LRRC45: variants seen among roughly 807,000 people sequenced by gnomAD.
LRRC45 encodes the protein leucine rich repeat containing 45.
In LRRC45, 73 loss-of-function variants were observed where a neutral mutation model predicts 85.4. The observed-to-expected ratio is 0.85, with a 90% CI of 0.71 to 1.04. LRRC45 has a LOEUF of 1.04. Among genes scored for constraint, LRRC45 ranks in the 50% least tolerant of loss-of-function variants. The pLI is 0.00. For missense variants in LRRC45, 937 were observed against 883.3 expected (o/e 1.06, Z -0.77); for synonymous variants, 429 against 386.0 (o/e 1.11, Z -1.31).
rs141978210 is a variant in LRRC45 at position 82,023,902 on chromosome 17, G to T, written c.220+39G>T. ...GCGGGGTGGATCCCTCTGCTCCTTAGCTGCCCACACCATTGCCTCGGCAGC... is the reference window on the plus strand; with the variant it reads ...GCGGGGTGGATCCCTCTGCTCCTTATCTGCCCACACCATTGCCTCGGCAGC... On this transcript the variant is annotated intron_variant, in intron 1 of 16. Coordinates refer to ENST00000306688, the MANE Select transcript of LRRC45 (RefSeq NM_144999.4). The T allele has an allele frequency of 7.4e-5, 113 of 1,521,702 alleles. No homozygotes were observed. In the East Asian group the frequency reaches 2.8e-3, roughly 37 times the overall value. The allele number at this position is 1,521,702 out of a possible 1,614,324, so 94.3% of individuals were successfully genotyped here.
chr17:82,028,928 G>C lies in LRRC45; in HGVS notation c.1309-165G>C, dbSNP rs138396276. ...GAGACACCAAGGCCCACTCGTTCAG[G>C]GTGTGCATGCTGCGGTAGTTTCCTG... is the stretch of plus-strand genomic sequence containing the variant. On this transcript the variant is annotated intron_variant, in intron 12 of 16. Coordinates refer to ENST00000306688, the MANE Select transcript of LRRC45 (RefSeq NM_144999.4). 1,323 of 725,742 alleles carry C rather than the reference G, an allele frequency of 1.8e-3. 2 individuals are homozygous for C. Among genetic ancestry groups the C allele is most frequent in the Middle Eastern group, 4.4e-3 (17 of 3,878 alleles). The allele number at this position is 725,742 out of a possible 1,614,324, so 45.0% of individuals were successfully genotyped here.
intron 6 of LRRC45, 111 bp from the exon 7 acceptor site, chr17:82,027,275 A>C: frequency 7.3e-7 from 1 of 1,365,976 alleles, no homozygotes; most frequent in Non-Finnish European, 1.0e-6. Context: ...CGTGGGTGGA[A>C]CCCTCCGCTG....
In LRRC45 at chr17:82,023,968, GTAGT is replaced by G. The variant is rs2144137137; in HGVS notation, c.220+108_220+111del. 4.3e-6 allele frequency: 5 copies of G among 1,156,642 alleles called. No homozygotes were observed. In the South Asian group the frequency reaches 4.5e-5, roughly 10 times the overall value. 71.6% of individuals were successfully genotyped at this position (1,156,642 alleles called of 1,614,324 possible). On this transcript the variant is annotated intron_variant, in intron 1 of 16. Transcript: ENST00000306688. ...CTCCAGGCTCTCCAATTTCTGTGCC[GTAGT>G]TAAAGCGAGCAGGGGCGCCCCTTCC...
chr17:82,029,190 G>C lies in LRRC45; in HGVS notation c.1401+5G>C. The C allele has an allele frequency of 6.2e-7, 1 of 1,608,900 alleles. No individual in the cohort carries two copies. Among genetic ancestry groups the C allele is most frequent in the East Asian group, 2.2e-5 (1 of 44,786 alleles). ...GCGCGGCTGTCCCTGGAGGAGGTGAGTGCCCACCAGGCAGGGCCAAGCTCT... is the reference window on the plus strand; with the variant it reads ...GCGCGGCTGTCCCTGGAGGAGGTGACTGCCCACCAGGCAGGGCCAAGCTCT... On this transcript the variant is annotated splice_donor_5th_base_variant and intron_variant, in intron 13 of 16. Coordinates refer to ENST00000306688, the MANE Select transcript of LRRC45 (RefSeq NM_144999.4).
rs1298188549 is a variant in LRRC45, at chr17:82,023,796, C to T, written c.153C>T (p.Gly51=). 1.3e-6 allele frequency: 2 copies of T among 1,568,726 alleles called. No individual in the cohort carries two copies. The highest frequency in any genetic ancestry group is 3.7e-5 in the Admixed American group (2 of 53,444). The change falls in exon 1 of 17, where the codon GGC becomes GGT. Residue 51 remains glycine (G), a synonymous_variant. Coordinates refer to ENST00000306688, the MANE Select transcript of LRRC45 (RefSeq NM_144999.4). ...SLTVETCRAL[G]KLLPRETLCT... is the part of the protein sequence containing the mutation. ...CGGTGGAGACCTGCAGGGCCCTGGG[C>T]AAGCTGCTGCCGAGGGAGACGCTGT... is the stretch of plus-strand genomic sequence containing the variant.
At position 82,030,996 on chromosome 17, in the gene LRRC45, C is replaced by T. The variant is rs2043416763; in HGVS notation, c.*191C>T. 4.9e-6 allele frequency: 2 copies of T among 410,728 alleles called. No individual in the cohort carries two copies. The highest frequency in any genetic ancestry group is 4.2e-6 in the Non-Finnish European group (1 of 238,122). 25.4% of individuals were successfully genotyped at this position (410,728 alleles called of 1,614,324 possible). On this transcript the variant is annotated 3_prime_UTR_variant, in exon 17 of 17. Coordinates refer to ENST00000306688, the MANE Select transcript of LRRC45 (RefSeq NM_144999.4). ...GGAGGCGCCTGGGAAGGGCTCCCTA[C>T]CGGCCCCTTCTTCCCGGTCGACGCC... is the stretch of plus-strand genomic sequence containing the variant.
rs765209623 is a variant in LRRC45, at chr17:82,024,705, C to T, written c.295C>T (p.Arg99Trp). The T allele has an allele frequency of 1.1e-5, 17 of 1,572,752 alleles. No homozygotes were observed. Among genetic ancestry groups the T allele is most frequent in the Middle Eastern group, 1.7e-4 (1 of 5,928 alleles). ...GTTTCTCTCCTAGGGCAACAACCTT[C>T]GGGCTGCAGGGGCCGAGGCTCTGGG... is the stretch of plus-strand genomic sequence containing the variant. ...RFLDLKGNNL[R>W]AAGAEALGKL... is the part of the protein sequence containing the mutation. The change falls in exon 3 of 17, where the codon CGG (arginine) becomes TGG (tryptophan). Residue 99 changes from arginine to tryptophan, a missense_variant. By Grantham distance (101) the Arg-to-Trp change is moderately radical. Coordinates refer to ENST00000306688, the MANE Select transcript of LRRC45 (RefSeq NM_144999.4).
In LRRC45 at chr17:82,030,130, G is replaced by C; in HGVS notation, c.1560G>C (p.Gln520His). Residue 520 changes from glutamine to histidine, a missense_variant, in exon 15 of 17, where the codon CAG becomes CAC. Physicochemically the swap from Gln to His is conservative, Grantham distance 24. Coordinates refer to ENST00000306688, the MANE Select transcript of LRRC45 (RefSeq NM_144999.4). ...TGGCGCAGGCACGGGACGAGGCGCA[G>C]GGCGCTTGCCTACAGCAGAAGCAGG... ...RLLAQARDEAQGACLQQKQVV... is the reference protein window; with the variant it reads ...RLLAQARDEAHGACLQQKQVV... The C allele has an allele frequency of 6.5e-7, 1 of 1,547,994 alleles. No individual in the cohort carries two copies. The highest frequency in any genetic ancestry group is 8.7e-7 in the Non-Finnish European group (1 of 1,146,946).
In LRRC45 at chr17:82,024,693, G is replaced by A. The variant is rs370110836; in HGVS notation, c.283G>A (p.Gly95Ser). 7 of 1,571,292 alleles carry A rather than the reference G, an allele frequency of 4.5e-6. No individual in the cohort carries two copies. The African/African-American group carries it at 9.6e-5, about 22-fold the overall frequency. The part of the protein sequence containing the change: ...NTVLRFLDLK[G>S]NNLRAAGAEA... ...GACTACCGGCCTGTTTCTCTCCTAG[G>A]GCAACAACCTTCGGGCTGCAGGGGC... Residue 95 changes from glycine to serine, a missense_variant and splice_region_variant, in exon 3 of 17, where the codon GGC becomes AGC. Coordinates refer to ENST00000306688, the MANE Select transcript of LRRC45 (RefSeq NM_144999.4).
Position 82,030,133 on chromosome 17 carries a change from C to T in LRRC45, c.1563C>T (p.Gly521=), listed in dbSNP as rs2043404734. 1 of 1,547,986 alleles carries T rather than the reference C, an allele frequency of 6.5e-7. No homozygotes were observed. Among genetic ancestry groups the T allele is most frequent in the Non-Finnish European group, 8.7e-7 (1 of 1,146,888 alleles). The part of the protein sequence containing the change: ...LLAQARDEAQ[G]ACLQQKQVVA... The stretch of plus-strand genomic sequence containing the variant: ...CGCAGGCACGGGACGAGGCGCAGGG[C>T]GCTTGCCTACAGCAGAAGCAGGTGG... The change falls in exon 15 of 17, where the codon GGC becomes GGT. Residue 521 remains glycine, a synonymous_variant. Transcript: ENST00000306688.
In LRRC45 at chr17:82,023,428, A is replaced by T. The variant is rs2043331030; in HGVS notation, c.-216A>T. On this transcript the variant is annotated 5_prime_UTR_variant, in exon 1 of 17. Transcript: ENST00000306688. The stretch of plus-strand genomic sequence containing the variant: ...CCTGCTTCCTGCACGGGTGGTCCCC[A>T]AGCACTGCGGGGCCCCAGCCCAAAG... 6 of 541,134 alleles carry T rather than the reference A, an allele frequency of 1.1e-5. No homozygotes were observed. The Admixed American group carries it at 2.1e-4, about 19-fold the overall frequency. 33.5% of individuals were successfully genotyped at this position (541,134 alleles called of 1,614,324 possible). A position where few individuals can be genotyped will look rare whatever the true frequency, so the allele number is the denominator to read the frequency against.
chr17:82,030,732 C>T lies in LRRC45; in HGVS notation c.1940C>T (p.Ala647Val), dbSNP rs1461436774. 2 of 1,492,070 alleles carry T rather than the reference C, an allele frequency of 1.3e-6. No homozygotes were observed. Among genetic ancestry groups the T allele is most frequent in the Non-Finnish European group, 1.8e-6 (2 of 1,110,844 alleles). 92.4% of individuals were successfully genotyped at this position (1,492,070 alleles called of 1,614,324 possible). A position where few individuals can be genotyped will look rare whatever the true frequency, so the allele number is the denominator to read the frequency against. Reference sequence around the variant, plus strand: ...ATCCGGGACGAGGAGGCCCAGAGGGCGAGCTTCCTGCAGAACGCCGTCCTG... The same window carrying T: ...ATCCGGGACGAGGAGGCCCAGAGGGTGAGCTTCCTGCAGAACGCCGTCCTG... ...ARIRDEEAQR[A>V]SFLQNAVLAY... The change falls in exon 17 of 17, where the codon GCG (alanine) becomes GTG (valine). Residue 647 changes from alanine (A) to valine (V), a missense_variant. Physicochemically the swap from Ala to Val is moderately conservative, Grantham distance 64 (BLOSUM62 0). Coordinates refer to ENST00000306688, the MANE Select transcript of LRRC45 (RefSeq NM_144999.4).
In LRRC45 at chr17:82,023,529, C is replaced by A; in HGVS notation, c.-115C>A. 2.2e-6 allele frequency: 2 copies of A among 929,916 alleles called. No individual in the cohort carries two copies. The highest frequency in any genetic ancestry group is 2.9e-5 in the East Asian group (1 of 34,910). The allele number at this position is 929,916 out of a possible 1,614,324, so 57.6% of individuals were successfully genotyped here. A position where few individuals can be genotyped will look rare whatever the true frequency, so the allele number is the denominator to read the frequency against. On this transcript the variant is annotated 5_prime_UTR_variant, in exon 1 of 17. Coordinates refer to ENST00000306688, the MANE Select transcript of LRRC45 (RefSeq NM_144999.4). Reference sequence around the variant, plus strand: ...GAGCCCACTCGGATTGCTCTCCGCCCGGGTCGGCGGAGGCCCCGTCTCCTG... The same window carrying A: ...GAGCCCACTCGGATTGCTCTCCGCCAGGGTCGGCGGAGGCCCCGTCTCCTG...
rs1264659727 is a variant in LRRC45 at position 82,030,613 on chromosome 17, G to A, written c.1821G>A (p.Met607Ile). ...ACTGCGCTCCTTGCCCTGCAGTGAT[G>A]GCGAGCGACCACCGAGAGGCGCTGC... The part of the protein sequence containing the change: ...AAALERQLKV[M>I]ASDHREALLD... Residue 607 changes from methionine to isoleucine, a missense_variant, in exon 17 of 17, where the codon ATG becomes ATA. Physicochemically the swap from Met to Ile is conservative, Grantham distance 10 (BLOSUM62 1). Transcript: ENST00000306688. 2 of 1,186,850 alleles carry A rather than the reference G, an allele frequency of 1.7e-6. No homozygotes were observed. The highest frequency in any genetic ancestry group is 5.6e-5 in the Admixed American group (1 of 17,958). 73.5% of individuals were successfully genotyped at this position (1,186,850 alleles called of 1,614,324 possible).
At position 82,023,854 on chromosome 17, in the gene LRRC45, A is replaced by T. The variant is rs1260204946; in HGVS notation, c.211A>T (p.Ser71Cys). ...GCTGGTCCTGAGTGACTGCATGCTC[A>T]GCGAGGAAGGTGGGCAGGCGCGGCG... The part of the protein sequence containing the change: ...TELVLSDCML[S>C]EEGATLLLRG... Residue 71 changes from serine to cysteine, a missense_variant, in exon 1 of 17, where the codon AGC becomes TGC. Ser to Cys is a moderately radical substitution (Grantham distance 112). Coordinates refer to ENST00000306688, the MANE Select transcript of LRRC45 (RefSeq NM_144999.4). The T allele has an allele frequency of 8.3e-6, 13 of 1,559,496 alleles. No individual in the cohort carries two copies. Among genetic ancestry groups the T allele is most frequent in the Non-Finnish European group, 1.1e-5 (13 of 1,154,102 alleles).
intron 14 of LRRC45, 65 bp downstream of exon 14, chr17:82,029,700 A>C: frequency 6.9e-7 from 1 of 1,453,018 alleles, no homozygotes; most frequent in Non-Finnish European, 9.4e-7. Context: ...GCCCGCATGC[A>C]GACTCCAGAG....
chr17:82,030,477 C>A lies in LRRC45; in HGVS notation c.1816+11C>A. On this transcript the variant is annotated intron_variant, in intron 16 of 16. Transcript: ENST00000306688. Reference sequence around the variant, plus strand: ...AGCGCCAGCTGAAAGGTGAGCCAGACCCTTGTCCTCCCGCCGCCCACTGGT... The same window carrying A: ...AGCGCCAGCTGAAAGGTGAGCCAGAACCTTGTCCTCCCGCCGCCCACTGGT... 6.5e-7 allele frequency: 1 copy of A among 1,537,684 alleles called. No individual in the cohort carries two copies. The highest frequency in any genetic ancestry group is 2.0e-5 in the Admixed American group (1 of 51,004).
At chr17:82,025,641 G>A (rs559775815) in intron 5 of LRRC45, 134 bp downstream of exon 5, 107 of 1,198,802 alleles carry the variant, frequency 8.9e-5, no homozygotes, top group African/African-American at 5.4e-4. Context: ...AGGAAGGAGC[G>A]GAGGGGTCGT....
chr17:82,030,805 A>G lies in LRRC45; in HGVS notation c.2013A>G (p.Ter671TrpextTer95). 2 of 1,356,184 alleles carry G rather than the reference A, an allele frequency of 1.5e-6. No homozygotes were observed. The highest frequency in any genetic ancestry group is 1.9e-6 in the Non-Finnish European group (2 of 1,039,308). The allele number at this position is 1,356,184 out of a possible 1,614,324, so 84.0% of individuals were successfully genotyped here. A position where few individuals can be genotyped will look rare whatever the true frequency, so the allele number is the denominator to read the frequency against. ...TGAGGACCCTGAGCCCCCCAAAGTGAGACAGGCCGGGAGGACCCGGGCGCA... is the reference window on the plus strand; with the variant it reads ...TGAGGACCCTGAGCCCCCCAAAGTGGGACAGGCCGGGAGGACCCGGGCGCA... ...SPVRTLSPPK[*>W] The change falls in exon 17 of 17, where the codon TGA becomes TGG. Residue 671 changes from the stop codon to tryptophan, a stop_lost. Transcript: ENST00000306688.
Sources: gnomAD v4.1 joint callset for allele counts on GRCh38, gnomAD v4.1.1 for gene constraint, MANE v1.5 for transcripts, NCBI Gene and HGNC (gene_info 2026-07-23, HGNC 2026-07-21) for gene names.